The following USP49 variants were observed in gnomAD, a reference collection of about 807,000 sequenced individuals.
The protein encoded by USP49 is ubiquitin carboxyl-terminal hydrolase 49.
USP49 carries 24 observed loss-of-function variants against 58.6 expected under a neutral mutation model. The observed-to-expected ratio is 0.41, with a 90% confidence interval of 0.30 to 0.58. The LOEUF (loss-of-function observed/expected upper bound fraction) is 0.58. Among genes scored for constraint, USP49 ranks in the 20% least tolerant of loss-of-function variants. The pLI is 0.30. For missense variants in USP49, 703 were observed against 866.1 expected, an observed-to-expected ratio of 0.81 and a Z score of 2.36; for synonymous variants, 408 against 365.1, an observed-to-expected ratio of 1.12 and a Z score of -1.34.
chr6:41,838,475 C>G (rs1313374273), intron 3 of USP49, among the ~76,000 whole-genome samples: 1 of 152,198 alleles, frequency 6.6e-6, no homozygotes, highest in African/African-American at 2.4e-5. Flanking sequence ...AGAACCAGCC[C>G]AGGGCCTGGT....
intron 3 of USP49, among the ~76,000 whole-genome samples, chr6:41,865,872 G>C (rs1468974579): frequency 2.3e-5 from 3 of 132,982 alleles, no homozygotes; most frequent in African/African-American, 8.7e-5. Context: ...TAGAACTCCT[G>C]ACCTCAAGCA....
intron 3 of USP49, among the ~76,000 whole-genome samples, chr6:41,832,624 G>A (rs1022311323): frequency 6.6e-6 from 1 of 152,092 alleles, no homozygotes; most frequent in Admixed American, 6.6e-5. Flanking sequence ...TGAGGACTGG[G>A]TTGTTCAAGG....
chr6:41,860,316 GAGAC>G (rs1364072263), intron 3 of USP49, among the ~76,000 whole-genome samples: 4 of 151,784 alleles, frequency 2.6e-5, no homozygotes, highest in African/African-American at 9.7e-5. Flanking sequence ...AGGCAGTTGA[GAGAC>G]AGAGAGAAAA....
At chr6:41,821,286 G>A (rs1773447749) in intron 3 of USP49, among the ~76,000 whole-genome samples, 1 of 152,144 alleles carries the variant, frequency 6.6e-6, no homozygotes, top group African/African-American at 2.4e-5. Flanking sequence ...TGGGCCTCAA[G>A]TTGCCCCCAA....
At chr6:41,812,408 G>A (rs896074579) in intron 3 of USP49, among the ~76,000 whole-genome samples, 1 of 28,044 alleles carries the variant, frequency 3.6e-5, no homozygotes, top group African/African-American at 1.5e-4. Flanking sequence ...TAAAACTTTA[G>A]TACAGGCCGG....
At chr6:41,827,043 A>C (rs1773550328) in intron 3 of USP49, among the ~76,000 whole-genome samples, 1 of 152,202 alleles carries the variant, frequency 6.6e-6, no homozygotes, top group Non-Finnish European at 1.5e-5. Flanking sequence ...CAGAAAACCA[A>C]AATTGATTTT....
chr6:41,888,986 T>C (rs749632518), intron 2 of USP49, among the ~76,000 whole-genome samples: 15 of 152,014 alleles, frequency 9.9e-5, no homozygotes, highest in Admixed American at 2.0e-4. Flanking sequence ...TTTCCATTCG[T>C]CCCCCTCATA....
At chr6:41,846,667 C>A (rs1478357599) in intron 3 of USP49, among the ~76,000 whole-genome samples, 1 of 152,150 alleles carries the variant, frequency 6.6e-6, no homozygotes, top group African/African-American at 2.4e-5. Flanking sequence ...CACTGTAAAA[C>A]CAAAAGGAGA....
chr6:41,857,134 C>T (rs374382097), intron 3 of USP49, among the ~76,000 whole-genome samples: 1 of 152,194 alleles, frequency 6.6e-6, no homozygotes, highest in African/African-American at 2.4e-5. Context: ...TCTTCAACTA[C>T]AAAGGCTAAA....
At chr6:41,846,527 C>T (rs372472645) in intron 3 of USP49, among the ~76,000 whole-genome samples, 19 of 152,004 alleles carry the variant, frequency 1.2e-4, no homozygotes, top group African/African-American at 4.1e-4. Flanking sequence ...TGTGGAGGCC[C>T]TTCCTAGAGA....
At chr6:41,844,774 T>C (rs1048650979) in intron 3 of USP49, among the ~76,000 whole-genome samples, 3 of 152,222 alleles carry the variant, frequency 2.0e-5, no homozygotes, top group African/African-American at 7.2e-5. Context: ...ATGGTTCATC[T>C]GCTCATAACC....
intron 3 of USP49, among the ~76,000 whole-genome samples, chr6:41,812,131 GTT>G (rs1206269876): frequency 1.3e-5 from 2 of 151,600 alleles, no homozygotes; most frequent in Non-Finnish European, 2.9e-5. Context: ...CCAGGCTAGA[GTT>G]CAGTGGCGCA....
intron 2 of USP49, among the ~76,000 whole-genome samples, chr6:41,882,311 T>A (rs1004704277): frequency 6.6e-6 from 1 of 151,896 alleles, no homozygotes; most frequent in African/African-American, 2.4e-5. Context: ...AATACACCAA[T>A]GAGATAGAAT....
At chr6:41,808,561 C>T (rs544908837) in intron 3 of USP49, among the ~76,000 whole-genome samples, 24 of 152,142 alleles carry the variant, frequency 1.6e-4, no homozygotes, top group African/African-American at 5.5e-4. Context: ...AGGCGTGCGC[C>T]ACCACGCCCA....
At position 41,804,127 on chromosome 6, in the gene USP49, A is replaced by G. The variant is rs373756338; in HGVS notation, c.1357-117T>C. ...ACTAAGTGTATAATTTTCAAAAAAT[A>G]GTAATATTAAAATAATAAACATAAC... On this transcript the variant is annotated intron_variant, in intron 4 of 7. Transcript: ENST00000682992. 23 of 792,814 alleles carry G rather than the reference A, an allele frequency of 2.9e-5. No homozygotes were observed. In the African/African-American group the frequency reaches 3.3e-4, roughly 11 times the overall value. 49.1% of individuals were successfully genotyped at this position (792,814 alleles called of 1,614,324 possible).
At chr6:41,846,247 G>A (rs375479390) in intron 3 of USP49, among the ~76,000 whole-genome samples, 264 of 152,216 alleles carry the variant, frequency 1.7e-3, no homozygotes, top group African/African-American at 6.1e-3. Flanking sequence ...AACCCGGGAG[G>A]TGGAGGTTGC....
chr6:41,848,928 G>C (rs1773971869), intron 3 of USP49, among the ~76,000 whole-genome samples: 1 of 151,936 alleles, frequency 6.6e-6, no homozygotes, highest in Non-Finnish European at 1.5e-5. Flanking sequence ...CTAACTCCTG[G>C]CCTCAAGTGA....
At chr6:41,801,657 A>C (rs1403884318) in intron 5 of USP49, among the ~76,000 whole-genome samples, 2 of 152,256 alleles carry the variant, frequency 1.3e-5, no homozygotes, top group Non-Finnish European at 2.9e-5. Context: ...ATATAGAGTC[A>C]GGCTTTGTTT....
chr6:41,848,248 G>A lies in USP49; in HGVS notation c.-29+23316C>T, dbSNP rs559257513. On this transcript the variant is annotated intron_variant, in intron 3 of 7. Coordinates refer to ENST00000682992, the MANE Select transcript of USP49 (RefSeq NM_001286554.2). ...AATGAGAAGAGAATCAACATACATC[G>A]CTACAAAAAAAATCAACAAAACACG... Among the ~76,000 whole-genome samples the A allele has an allele frequency of 4.0e-5, 6 of 151,578 alleles. No individual in the cohort carries two copies. The East Asian group carries it at 5.8e-4, about 15-fold the overall frequency.
Sources: gnomAD v4.1 joint callset for allele counts (sites outside exome capture counted in the v4.1 genomes callset) on GRCh38, gnomAD v4.1.1 for gene constraint, MANE v1.5 for transcripts, NCBI Gene and HGNC (gene_info 2026-07-23, HGNC 2026-07-21) for gene names.